Variants in KCNK13 observed in about 807,000 individuals in gnomAD.
KCNK13 encodes potassium two pore domain channel subfamily K member 13, also known as potassium channel subfamily K member 13.
KCNK13 carries 12 observed loss-of-function variants against 23.4 expected under a neutral mutation model. The ratio of observed to expected loss-of-function variants is 0.51; its 90% CI spans 0.33 to 0.83. KCNK13 has a LOEUF of 0.83. KCNK13 is among the 40% of genes least tolerant of loss of function. KCNK13 has a pLI of 0.02. For missense variants in KCNK13, 463 were observed against 556.3 expected, an observed-to-expected ratio of 0.83 and a Z score of 1.69; for synonymous variants, 231 against 229.5, an observed-to-expected ratio of 1.01 and a Z score of -0.06.
chr14:90,071,043 C>A (rs1000801447), intron 1 of KCNK13, among the ~76,000 whole-genome samples: 1 of 152,190 alleles, frequency 6.6e-6, no homozygotes, highest in African/African-American at 2.4e-5. Context: ...CATTGCCCAG[C>A]ATTTAGTATT....
Position 90,062,341 on chromosome 14 carries a change from G to C in KCNK13, c.136G>C (p.Glu46Gln), listed in dbSNP as rs780689211. The C allele has an allele frequency of 8.4e-6, 13 of 1,555,578 alleles. No homozygotes were observed. The highest frequency in any genetic ancestry group is 8.3e-5 in the South Asian group (7 of 84,636). Residue 46 changes from glutamate to glutamine, a missense_variant, in exon 1 of 2, where the codon GAG (glutamate) becomes CAG (glutamine). By Grantham distance (29) the Glu-to-Gln change is conservative. Around this residue, in one of 3 missense-constraint regions of KCNK13, gnomAD observed 153 missense variants for 153.6 expected, o/e 1.00. Coordinates refer to ENST00000282146, the MANE Select transcript of KCNK13 (RefSeq NM_022054.4). The surrounding 1 kb of genome is among the most constrained non-coding windows in gnomAD (Gnocchi z 4.5). Reference sequence around the variant, plus strand: ...CTTCTCCGCGCTGGAGCTGGCGCACGAGCGCCAGGCCAAGCAGCGCTGGGA... The same window carrying C: ...CTTCTCCGCGCTGGAGCTGGCGCACCAGCGCCAGGCCAAGCAGCGCTGGGA... Reference protein sequence around the residue: ...AVFSALELAHERQAKQRWEER... With the variant: ...AVFSALELAHQRQAKQRWEER...
chr14:90,156,095 T>C (rs909376730), intron 1 of KCNK13, among the ~76,000 whole-genome samples: 4 of 151,276 alleles, frequency 2.6e-5, no homozygotes, highest in African/African-American at 9.7e-5. Flanking sequence ...TCACAGCTAC[T>C]TGGGGGGCTT....
intron 1 of KCNK13, among the ~76,000 whole-genome samples, chr14:90,169,450 A>T (rs1457680547): frequency 6.6e-6 from 1 of 152,200 alleles, no homozygotes; most frequent in Non-Finnish European, 1.5e-5. Context: ...ACAGTGTTTG[A>T]AACCTACGGA....
intron 1 of KCNK13, among the ~76,000 whole-genome samples, chr14:90,122,540 C>T (rs746902122): frequency 1.2e-4 from 18 of 151,958 alleles, no homozygotes; most frequent in Non-Finnish European, 2.2e-4. Flanking sequence ...GACAGGGTTT[C>T]ACCATGTTGG....
chr14:90,140,822 A>G (rs1411215433), intron 1 of KCNK13, among the ~76,000 whole-genome samples: 3 of 152,190 alleles, frequency 2.0e-5, no homozygotes, highest in African/African-American at 7.2e-5. Context: ...GGATGTTTTA[A>G]TGATCATTCC....
intron 1 of KCNK13, among the ~76,000 whole-genome samples, chr14:90,136,960 G>GAAAGGAAGAAC (rs374765984): frequency 1.2e-4 from 19 of 152,316 alleles, no homozygotes; most frequent in African/African-American, 4.6e-4. Flanking sequence ...TGAAAGAAAT[G>GAAAGGAAGAAC]AAAGGAAGAA....
intron 1 of KCNK13, among the ~76,000 whole-genome samples, chr14:90,140,117 T>C (rs891159093): frequency 5.3e-5 from 8 of 152,104 alleles, no homozygotes; most frequent in Non-Finnish European, 8.8e-5. Context: ...AGGCAAATTA[T>C]CATGAAAGAG....
At chr14:90,079,875 G>A (rs140688481) in intron 1 of KCNK13, among the ~76,000 whole-genome samples, 42 of 152,316 alleles carry the variant, frequency 2.8e-4, no homozygotes, top group South Asian at 6.2e-4. Flanking sequence ...TGAGGTCAAG[G>A]TCACACGTCC....
intron 1 of KCNK13, among the ~76,000 whole-genome samples, chr14:90,091,446 G>A (rs1189282316): frequency 1.3e-5 from 2 of 152,198 alleles, no homozygotes; most frequent in African/African-American, 4.8e-5. Context: ...AGGAAACTCA[G>A]TACAGTCATT....
At chr14:90,163,148 A>G (rs1287056621) in intron 1 of KCNK13, among the ~76,000 whole-genome samples, 2 of 152,228 alleles carry the variant, frequency 1.3e-5, no homozygotes, top group Non-Finnish European at 2.9e-5. Context: ...TCTGGCATGT[A>G]GTAGATGCTT....
chr14:90,102,633 C>A (rs540840155), intron 1 of KCNK13, among the ~76,000 whole-genome samples: 1 of 152,276 alleles, frequency 6.6e-6, no homozygotes, highest in South Asian at 2.1e-4. Context: ...TCCTCATAGC[C>A]TTTGGGAAGT....
chr14:90,137,260 C>G (rs1889948362), intron 1 of KCNK13, among the ~76,000 whole-genome samples: 2 of 151,714 alleles, frequency 1.3e-5, no homozygotes, highest in African/African-American at 4.8e-5. Flanking sequence ...TTCAACTTTT[C>G]TGCCTTTGGC....
At chr14:90,132,473 GGCAGAGGTTGCAGT>G (rs143628079) in intron 1 of KCNK13, among the ~76,000 whole-genome samples, 14,853 of 151,638 alleles carry the variant, frequency 0.098, 1,020 homozygotes, top group Admixed American at 0.25. Flanking sequence ...GAACCTAGGA[GGCAGAGGTTGCAGT>G]GAGCCAAGAT....
At chr14:90,067,159 C>A (rs954297884) in intron 1 of KCNK13, among the ~76,000 whole-genome samples, 2 of 152,180 alleles carry the variant, frequency 1.3e-5, no homozygotes, top group Non-Finnish European at 2.9e-5. Flanking sequence ...GTCCCAGCTA[C>A]TTGGGAGGCT....
At chr14:90,117,039 CAAT>C (rs765953174) in intron 1 of KCNK13, among the ~76,000 whole-genome samples, 4 of 152,078 alleles carry the variant, frequency 2.6e-5, no homozygotes, top group Non-Finnish European at 5.9e-5. Context: ...AGATTAACAA[CAAT>C]AACTAAGAAT....
intron 1 of KCNK13, among the ~76,000 whole-genome samples, chr14:90,080,850 C>T (rs533888170): frequency 1.8e-4 from 28 of 152,272 alleles, no homozygotes; most frequent in African/African-American, 6.5e-4. Context: ...AAGGTTTCTC[C>T]ACCTCAACAC....
At chr14:90,116,481 G>A (rs1384313391) in intron 1 of KCNK13, among the ~76,000 whole-genome samples, 1 of 152,158 alleles carries the variant, frequency 6.6e-6, no homozygotes, top group Non-Finnish European at 1.5e-5. Context: ...AGTTCCGTGT[G>A]CCCTGTTGGC....
intron 1 of KCNK13, among the ~76,000 whole-genome samples, chr14:90,101,172 G>A (rs185344829): frequency 2.3e-3 from 347 of 152,254 alleles, no homozygotes; most frequent in African/African-American, 8.0e-3. Context: ...ACCAGGTGAC[G>A]TAGGCAGGGT....
intron 1 of KCNK13, among the ~76,000 whole-genome samples, chr14:90,136,143 C>G (rs1224975142): frequency 1.3e-5 from 2 of 151,954 alleles, no homozygotes; most frequent in East Asian, 3.9e-4. Context: ...ATGTGGATGA[C>G]AGCAGATGGG....
Sources: gnomAD v4.1 joint callset for allele counts (sites outside exome capture counted in the v4.1 genomes callset) on GRCh38, gnomAD v4.1.1 for gene constraint, gnomAD v4.1.1 regional missense constraint, Gnocchi (gnomAD v3.1) non-coding constraint, MANE v1.5 for transcripts, NCBI Gene and HGNC (gene_info 2026-07-23, HGNC 2026-07-21) for gene names.